RANBP10: variants seen among roughly 807,000 people sequenced by gnomAD.
The protein encoded by RANBP10 is RAN binding protein 10, also known as ran-binding protein 10.
A neutral mutation model predicts 72.8 loss-of-function variants in RANBP10; 24 were observed. The ratio of observed to expected loss-of-function variants is 0.33; its 90% CI spans 0.24 to 0.46. The LOEUF (loss-of-function observed/expected upper bound fraction) is 0.46. RANBP10 is among the 20% of genes least tolerant of loss of function. The pLI is 1.00. For synonymous variants in RANBP10, 310 were observed against 322.3 expected, an observed-to-expected ratio of 0.96 and a Z score of 0.41; for missense variants, 679 against 817.5, an observed-to-expected ratio of 0.83 and a Z score of 2.07.
chr16:67,730,053 G>A lies in RANBP10; in HGVS notation c.890-7C>T, dbSNP rs2885702. 0.015 allele frequency: 24,161 copies of A among 1,610,448 alleles called. 1,573 individuals carry two copies. The African/African-American group carries it at 0.17, about 11-fold the overall frequency. On this transcript the variant is annotated splice_polypyrimidine_tract_variant and splice_region_variant and intron_variant, in intron 7 of 13. Coordinates refer to ENST00000317506, the MANE Select transcript of RANBP10 (RefSeq NM_020850.3). The surrounding 1 kb of genome is among the most constrained non-coding windows in gnomAD (Gnocchi z 4.3). ...AGCACCAGCTTCTGGATCTCTGCAG[G>A]GTGCAAGAACACAGCAGTGAGCGAG...
Position 67,729,579 on chromosome 16 carries a change from A to T in RANBP10, c.1148-95T>A, listed in dbSNP as rs2053681319. The T allele has an allele frequency of 6.4e-7, 1 of 1,555,870 alleles. No homozygotes were observed. The highest frequency in any genetic ancestry group is 1.4e-5 in the African/African-American group (1 of 73,416). ...CAGTGGTCCCATTTCCCTTCTCCCA[A>T]ATCCAGCAGTGAGCCCTGAGCCCAG... On this transcript the variant is annotated intron_variant, in intron 9 of 13. Transcript: ENST00000317506. The surrounding 1 kb of genome is among the most constrained non-coding windows in gnomAD (Gnocchi z 7.1).
chr16:67,743,528 G>A (rs887270790), intron 4 of RANBP10, among the ~76,000 whole-genome samples: 7 of 152,138 alleles, frequency 4.6e-5, no homozygotes, highest in African/African-American at 1.4e-4. Flanking sequence ...GTACAGGAAC[G>A]CTCCTTCCAG....
At position 67,790,470 on chromosome 16, in the gene RANBP10, A is replaced by G. The variant is rs76403201; in HGVS notation, c.347+14958T>C. On this transcript the variant is annotated intron_variant, in intron 2 of 13. Transcript: ENST00000317506. ...AAATGGCATATTTTATGTTACATAT[A>G]TTTTACCACACACACATACACAGAG... 1.2e-4 allele frequency among the ~76,000 whole-genome samples: 18 copies of G among 151,800 alleles called. 1 individual carries two copies. Among genetic ancestry groups the G allele is most frequent in the African/African-American group, 4.4e-4 (18 of 41,162 alleles).
chr16:67,788,005 ATTT>A (rs1437096024), intron 2 of RANBP10, among the ~76,000 whole-genome samples: 2 of 151,992 alleles, frequency 1.3e-5, no homozygotes, highest in South Asian at 4.1e-4. Context: ...CACTCAGCTA[ATTT>A]TTTTATTTTT....
intron 2 of RANBP10, among the ~76,000 whole-genome samples, chr16:67,796,669 C>T (rs1229040951): frequency 6.6e-6 from 1 of 152,096 alleles, no homozygotes; most frequent in Non-Finnish European, 1.5e-5. Flanking sequence ...TTCACACTTG[C>T]CACCCCTGAC....
In RANBP10 at chr16:67,729,518, G is replaced by A. The variant is rs1354426493; in HGVS notation, c.1148-34C>T. 2 of 1,593,418 alleles carry A rather than the reference G, an allele frequency of 1.3e-6. No homozygotes were observed. The highest frequency in any genetic ancestry group is 1.1e-5 in the South Asian group (1 of 89,316). The stretch of plus-strand genomic sequence containing the variant: ...CAGGGTGACAGTCAGAAGAGGAGGG[G>A]CAGCTTCCCATGAAATGAAGCCCCA... On this transcript the variant is annotated intron_variant, in intron 9 of 13. Coordinates refer to ENST00000317506, the MANE Select transcript of RANBP10 (RefSeq NM_020850.3). This position sits in a 1 kb window ranked among gnomAD's most constrained non-coding sequence, Gnocchi z 7.1.
At chr16:67,770,597 C>T (rs925340120) in intron 3 of RANBP10, among the ~76,000 whole-genome samples, 7 of 152,164 alleles carry the variant, frequency 4.6e-5, no homozygotes, top group Middle Eastern at 3.2e-3. Context: ...GACCCCATGA[C>T]GTGTCAGGGA....
intron 2 of RANBP10, among the ~76,000 whole-genome samples, chr16:67,792,321 G>A (rs935621432): frequency 3.3e-4 from 50 of 152,006 alleles, no homozygotes; most frequent in Non-Finnish European, 5.7e-4. Flanking sequence ...TTGGGAGGCC[G>A]AGGCAGGCGG....
chr16:67,800,869 C>G (rs1255022903), intron 2 of RANBP10, among the ~76,000 whole-genome samples: 1 of 152,152 alleles, frequency 6.6e-6, no homozygotes, highest in Non-Finnish European at 1.5e-5. Flanking sequence ...CTACTCATTC[C>G]TCCCAACTGT....
chr16:67,770,932 G>GA (rs2143012418), intron 3 of RANBP10, among the ~76,000 whole-genome samples: 1 of 151,458 alleles, frequency 6.6e-6, no homozygotes, highest in Admixed American at 6.6e-5. Context: ...CAGCCTGGGT[G>GA]AAAAGCGAGA....
chr16:67,732,770 A>G (rs1597827087), intron 6 of RANBP10, among the ~76,000 whole-genome samples: 1 of 152,030 alleles, frequency 6.6e-6, no homozygotes, highest in Non-Finnish European at 1.5e-5. Flanking sequence ...AAATATGGCC[A>G]GGCGTGGTGG....
intron 3 of RANBP10, among the ~76,000 whole-genome samples, chr16:67,748,209 A>C (rs1217490136): frequency 6.6e-6 from 1 of 151,758 alleles, no homozygotes. Context: ...TTTGGAGAGA[A>C]TAGGTAGCTT....
intron 3 of RANBP10, among the ~76,000 whole-genome samples, chr16:67,751,360 T>A (rs1304704942): frequency 6.6e-6 from 1 of 152,210 alleles, no homozygotes; most frequent in Non-Finnish European, 1.5e-5. Context: ...TTTTTAGATT[T>A]TGCCTGTAAT....
At chr16:67,784,409 C>A (rs1309877366) in intron 2 of RANBP10, among the ~76,000 whole-genome samples, 1 of 152,124 alleles carries the variant, frequency 6.6e-6, no homozygotes, top group Non-Finnish European at 1.5e-5. Flanking sequence ...GTAATCCCAG[C>A]ACTTTGGGAG....
At chr16:67,765,536 A>T (rs1017227818) in intron 3 of RANBP10, among the ~76,000 whole-genome samples, 4 of 152,000 alleles carry the variant, frequency 2.6e-5, no homozygotes, top group Non-Finnish European at 4.4e-5. Context: ...TCAAAAAAAT[A>T]AATAAATAAA....
At chr16:67,782,638 G>C (rs2054833879) in intron 2 of RANBP10, among the ~76,000 whole-genome samples, 1 of 151,698 alleles carries the variant, frequency 6.6e-6, no homozygotes, top group Admixed American at 6.6e-5. Flanking sequence ...TTTTTCAGTA[G>C]AGATGGGGTT....
chr16:67,731,895 G>A (rs2143001859), intron 6 of RANBP10, among the ~76,000 whole-genome samples: 1 of 152,262 alleles, frequency 6.6e-6, no homozygotes, highest in African/African-American at 2.4e-5. Flanking sequence ...TACACACACA[G>A]GCACACTCCT....
intron 2 of RANBP10, among the ~76,000 whole-genome samples, chr16:67,777,290 A>C (rs1036490563): frequency 6.6e-6 from 1 of 152,162 alleles, no homozygotes; most frequent in Non-Finnish European, 1.5e-5. Flanking sequence ...TAATCCCAGC[A>C]CTTTGGGAGG....
At position 67,729,858 on chromosome 16, in the gene RANBP10, G is replaced by A. The variant is rs912807935; in HGVS notation, c.999-30C>T. On this transcript the variant is annotated intron_variant, in intron 8 of 13. Transcript: ENST00000317506. The surrounding 1 kb of genome is among the most constrained non-coding windows in gnomAD (Gnocchi z 7.1). Reference sequence around the variant, plus strand: ...GGAGGGAGCGGAGCAATAATGCTCTGGTTGTGGTCCAGGTTGACGTTCCCA... The same window carrying A: ...GGAGGGAGCGGAGCAATAATGCTCTAGTTGTGGTCCAGGTTGACGTTCCCA... The A allele has an allele frequency of 6.2e-7, 1 of 1,613,452 alleles. No homozygotes were observed.
Sources: gnomAD v4.1 joint callset for allele counts (sites outside exome capture counted in the v4.1 genomes callset) on GRCh38, gnomAD v4.1.1 for gene constraint, Gnocchi (gnomAD v3.1) non-coding constraint, MANE v1.5 for transcripts, NCBI Gene and HGNC (gene_info 2026-07-23, HGNC 2026-07-21) for gene names.